Variants in FAM171A1 observed in about 807,000 individuals in gnomAD.
FAM171A1 encodes the protein family with sequence similarity 171 member A1, also known as protein FAM171A1.
Under a neutral mutation model 74.9 loss-of-function variants are expected in FAM171A1, and 23 were observed. The observed-to-expected ratio is 0.31, with a 90% CI of 0.22 to 0.44. The LOEUF is 0.44. FAM171A1 is among the 20% of genes least tolerant of loss of function. The pLI, the probability that FAM171A1 is intolerant of heterozygous loss-of-function variation, is 1.00. For synonymous variants in FAM171A1, 527 were observed against 505.7 expected (o/e 1.04, Z -0.57); for missense variants, 1,162 against 1,159.2 (o/e 1.00, Z -0.03).
At chr10:15,254,365 G>T (rs1390496738) in intron 4 of FAM171A1, among the ~76,000 whole-genome samples, 1 of 152,188 alleles carries the variant, frequency 6.6e-6, no homozygotes, top group African/African-American at 2.4e-5. Context: ...GAGGCAGAGG[G>T]CAGCTGGGCC....
chr10:15,238,963 A>ATCTT (rs150955270), intron 5 of FAM171A1, among the ~76,000 whole-genome samples: 11,505 of 152,236 alleles, frequency 0.076, 479 homozygotes, highest in Middle Eastern at 0.18. Flanking sequence ...GGATCCGTAA[A>ATCTT]TCTTTATTTA....
chr10:15,356,179 A>G (rs1040921898), intron 1 of FAM171A1, among the ~76,000 whole-genome samples: 4 of 151,492 alleles, frequency 2.6e-5, no homozygotes, highest in African/African-American at 4.8e-5. Context: ...TGAATGTGCT[A>G]TATTTTAAAA....
intron 1 of FAM171A1, among the ~76,000 whole-genome samples, chr10:15,353,266 A>G (rs1835899350): frequency 6.6e-6 from 1 of 152,228 alleles, no homozygotes; most frequent in Non-Finnish European, 1.5e-5. Flanking sequence ...ATTGTGAATC[A>G]TCAAATGCCA....
At chr10:15,335,741 AGCAGAG>A (rs1300803513) in intron 1 of FAM171A1, among the ~76,000 whole-genome samples, 2 of 152,316 alleles carry the variant, frequency 1.3e-5, no homozygotes, top group East Asian at 3.9e-4. Context: ...TTCACTTTTC[AGCAGAG>A]GCAAACAGTG....
At position 15,224,996 on chromosome 10, in the gene FAM171A1, G is replaced by A. The variant is rs76026854; in HGVS notation, c.755-3936C>T. On this transcript the variant is annotated intron_variant, in intron 5 of 7. Coordinates refer to ENST00000378116, the MANE Select transcript of FAM171A1 (RefSeq NM_001010924.2). ...TTTCAAGATTCAAATCAAGCCCAGT[G>A]TTTTTCCAGAGGCCTTTCTAGGACA... Among the ~76,000 whole-genome samples the A allele has an allele frequency of 7.8e-3, 1,193 of 152,268 alleles. 14 individuals are homozygous for A. Among genetic ancestry groups the A allele is most frequent in the African/African-American group, 0.027 (1,113 of 41,544 alleles).
In FAM171A1 at chr10:15,284,082, T is replaced by C; in HGVS notation, c.121A>G (p.Ser41Gly). 6.2e-7 allele frequency: 1 copy of C among 1,613,766 alleles called. No homozygotes were observed. The highest frequency in any genetic ancestry group is 1.1e-5 in the South Asian group (1 of 91,060). The change falls in exon 2 of 8, where the codon AGC (serine) becomes GGC (glycine). Residue 41 changes from serine (S) to glycine (G), a missense_variant. Transcript: ENST00000378116. ...ACGGGCTGGTGGGTGCTGGCGTCGC[T>C]GATGTGCACCTTTAACGTCACCTCT... Reference protein sequence around the residue: ...AQEVTLKVHISDASTHQPVAD... With the variant: ...AQEVTLKVHIGDASTHQPVAD...
chr10:15,230,545 A>G (rs1309878270), intron 5 of FAM171A1, among the ~76,000 whole-genome samples: 2 of 152,234 alleles, frequency 1.3e-5, no homozygotes, highest in African/African-American at 4.8e-5. Flanking sequence ...AATGTGTTGA[A>G]TATTAGAAAT....
chr10:15,254,580 G>C, intron 4 of FAM171A1, 141 bp downstream of exon 4: 3 of 895,698 alleles, frequency 3.3e-6, no homozygotes, highest in Non-Finnish European at 1.7e-6. Context: ...CAAAGCACTT[G>C]AACTTGTACC....
intron 5 of FAM171A1, among the ~76,000 whole-genome samples, chr10:15,233,077 G>A (rs555318126): frequency 1.3e-5 from 2 of 152,268 alleles, no homozygotes; most frequent in Admixed American, 6.5e-5. Context: ...GGCAGATCAC[G>A]AGGTCAGGAG....
chr10:15,270,954 T>C (rs1366338478), intron 3 of FAM171A1, among the ~76,000 whole-genome samples: 2 of 152,232 alleles, frequency 1.3e-5, no homozygotes, highest in African/African-American at 4.8e-5. Context: ...CTGAAAATTC[T>C]AAAAATCAGA....
Position 15,333,336 on chromosome 10 carries a change from C to T in FAM171A1, c.97+37620G>A, listed in dbSNP as rs185637813. ...TGGTGATGGTGAAACCCCATCTCTACTAAAAATGCAAAAATTAGCTGGGCG... is the reference window on the plus strand; with the variant it reads ...TGGTGATGGTGAAACCCCATCTCTATTAAAAATGCAAAAATTAGCTGGGCG... On this transcript the variant is annotated intron_variant, in intron 1 of 7. Transcript: ENST00000378116. 7.2e-5 allele frequency among the ~76,000 whole-genome samples: 11 copies of T among 152,150 alleles called. No individual in the cohort carries two copies. The East Asian group carries it at 2.1e-3, about 29-fold the overall frequency.
intron 5 of FAM171A1, among the ~76,000 whole-genome samples, chr10:15,246,299 T>C (rs539042767): frequency 3.9e-5 from 6 of 152,144 alleles, no homozygotes; most frequent in Non-Finnish European, 5.9e-5. Context: ...TCCACACAAA[T>C]AATTACAGTG....
chr10:15,338,573 T>C (rs1392253631), intron 1 of FAM171A1, among the ~76,000 whole-genome samples: 1 of 152,200 alleles, frequency 6.6e-6, no homozygotes, highest in African/African-American at 2.4e-5. Flanking sequence ...AGGACATTTG[T>C]GAGGAATATA....
chr10:15,259,932 C>T (rs769012907), intron 3 of FAM171A1, among the ~76,000 whole-genome samples: 3 of 152,034 alleles, frequency 2.0e-5, no homozygotes, highest in East Asian at 1.9e-4. Flanking sequence ...CTCAAGTGAT[C>T]TTCCCACCTC....
intron 1 of FAM171A1, among the ~76,000 whole-genome samples, chr10:15,307,930 G>C (rs141370285): frequency 9.1e-4 from 138 of 151,706 alleles, no homozygotes; most frequent in East Asian, 8.2e-3. Context: ...CAGCCTCCCA[G>C]GTAACTGGGA....
At chr10:15,322,566 G>A (rs960910582) in intron 1 of FAM171A1, among the ~76,000 whole-genome samples, 3 of 152,148 alleles carry the variant, frequency 2.0e-5, no homozygotes, top group African/African-American at 7.2e-5. Context: ...ATCTCCAGCT[G>A]GTACTATCAG....
intron 1 of FAM171A1, among the ~76,000 whole-genome samples, chr10:15,368,349 C>CA (rs1836091780): frequency 6.6e-6 from 1 of 152,116 alleles, no homozygotes; most frequent in South Asian, 2.1e-4. Context: ...CTCATTTAAT[C>CA]AAAAAGGTGT....
chr10:15,247,069 G>T (rs1834443889), intron 5 of FAM171A1, among the ~76,000 whole-genome samples: 1 of 152,200 alleles, frequency 6.6e-6, no homozygotes, highest in South Asian at 2.1e-4. Flanking sequence ...TGTGCATAAA[G>T]ATTTAGCTAG....
At chr10:15,371,502 T>G (rs994126719), upstream of FAM171A1, among the ~76,000 whole-genome samples, 3 of 151,996 alleles carry the variant, frequency 2.0e-5, no homozygotes, top group African/African-American at 7.2e-5. Flanking sequence ...GGAGCCCTTT[T>G]CATCACACCA....
Sources: gnomAD v4.1 joint callset for allele counts (sites outside exome capture counted in the v4.1 genomes callset) on GRCh38, gnomAD v4.1.1 for gene constraint, MANE v1.5 for transcripts, NCBI Gene and HGNC (gene_info 2026-07-23, HGNC 2026-07-21) for gene names.